GET1: variants seen among roughly 807,000 people sequenced by gnomAD.
GET1 encodes congenital heart disease 5 protein.
A neutral mutation model predicts 22.6 loss-of-function variants in GET1; 20 were observed. The ratio of observed to expected loss-of-function variants is 0.89; its 90% CI spans 0.62 to 1.29. The LOEUF (loss-of-function observed/expected upper bound fraction) is 1.29. Ranked by LOEUF, GET1 falls within the 50% of genes most tolerant of loss-of-function variation. The pLI is 0.00. For missense variants in GET1, 209 were observed against 219.9 expected, an observed-to-expected ratio of 0.95 and a Z score of 0.31; for synonymous variants, 92 against 83.8, an observed-to-expected ratio of 1.10 and a Z score of -0.53.
At position 39,393,215 on chromosome 21, in the gene GET1, C is replaced by G; in HGVS notation, c.386C>G (p.Ala129Gly). 1 of 1,614,206 alleles carries G rather than the reference C, an allele frequency of 6.2e-7. No individual in the cohort carries two copies. The highest frequency in any genetic ancestry group is 8.5e-7 in the Non-Finnish European group (1 of 1,180,038). ...LIWKYYSVPV[A>G]VVPSKWITPL... ...TGGAAGTATTATTCTGTCCCTGTGG[C>G]TGTCGTGCCGAGTAAATGGATAACC... is the stretch of plus-strand genomic sequence containing the variant. The change falls in exon 4 of 5, where the codon GCT becomes GGT. Residue 129 changes from alanine (A) to glycine (G), a missense_variant. By Grantham distance (60) the Ala-to-Gly change is moderately conservative (BLOSUM62 0). Coordinates refer to ENST00000649170, the MANE Select transcript of GET1 (RefSeq NM_004627.6).
At chr21:39,385,356 C>T (rs2037817122) in intron 1 of GET1, among the ~76,000 whole-genome samples, 1 of 152,136 alleles carries the variant, frequency 6.6e-6, no homozygotes, top group Non-Finnish European at 1.5e-5. Context: ...ATCAGAAGTC[C>T]TTGGGCCAGT....
chr21:39,408,782 G>T (rs931607960), downstream of GET1: 93 of 152,246 alleles, frequency 6.1e-4, no homozygotes, highest in African/African-American at 2.2e-3. Flanking sequence ...CCATGGATCT[G>T]AGGGTTTTTC....
intron 1 of GET1, chr21:39,387,831 A>G (rs1418896868): frequency 1.0e-6 from 1 of 984,984 alleles, no homozygotes; most frequent in Non-Finnish European, 1.2e-6. Context: ...AGTTGTCCCT[A>G]CTGTGCGGCA....
chr21:39,406,189 T>C (rs1183093425), exon 5 of GET1: 1 of 1,614,252 alleles, frequency 6.2e-7, no homozygotes, highest in African/African-American at 1.3e-5. Context: ...ACTGTCAGAA[T>C]GCTCTAGCTC....
downstream of GET1, chr21:39,410,072 C>A (rs117843079): frequency 1.9e-6 from 3 of 1,610,562 alleles, no homozygotes; most frequent in Non-Finnish European, 2.5e-6. Context: ...TCTTTATGAT[C>A]GATGTTTCCT....
At chr21:39,422,605 A>C in intron 1 of GET1, 1 of 325,798 alleles carries the variant, frequency 3.1e-6, no homozygotes, top group Non-Finnish European at 5.5e-6. Flanking sequence ...CAACAGTTTA[A>C]GGTAGAGGGT....
At chr21:39,421,301 T>A (rs1420150644) in intron 1 of GET1, among the ~76,000 whole-genome samples, 2 of 152,100 alleles carry the variant, frequency 1.3e-5, no homozygotes, top group African/African-American at 4.8e-5. Flanking sequence ...AGGGTTTTGC[T>A]GTGTTGGCCA....
intron 1 of GET1, chr21:39,386,554 T>C (rs1601605016): frequency 6.6e-6 from 1 of 152,146 alleles, no homozygotes; most frequent in South Asian, 2.1e-4. Context: ...CTGTTCAGGG[T>C]CTGGAGCTTC....
chr21:39,400,589 T>TATA (rs1057214571), downstream of GET1, among the ~76,000 whole-genome samples: 1 of 152,156 alleles, frequency 6.6e-6, no homozygotes, highest in Non-Finnish European at 1.5e-5. Context: ...GCTGCTCTCT[T>TATA]ATAAGGCCTG....
intron 1 of GET1, among the ~76,000 whole-genome samples, chr21:39,385,674 A>T (rs1170131369): frequency 6.6e-6 from 1 of 152,120 alleles, no homozygotes; most frequent in Non-Finnish European, 1.5e-5. Flanking sequence ...CTGAGGGTCC[A>T]TGCGAACGGC....
intron 1 of GET1, 164 bp downstream of exon 1, chr21:39,380,650 C>T: frequency 1.4e-6 from 2 of 1,426,530 alleles, no homozygotes; most frequent in South Asian, 3.0e-5. Context: ...CTAAAAGGTA[C>T]GACGCTTTAC....
intron 1 of GET1, among the ~76,000 whole-genome samples, chr21:39,426,625 A>G (rs2074756502): frequency 6.6e-6 from 1 of 152,256 alleles, no homozygotes; most frequent in Non-Finnish European, 1.5e-5. Context: ...ACTAAGTGAA[A>G]TAACTAAAGA....
chr21:39,427,122 C>T (rs769537400), intron 1 of GET1, among the ~76,000 whole-genome samples: 13 of 152,176 alleles, frequency 8.5e-5, no homozygotes, highest in Non-Finnish European at 1.6e-4. Context: ...GTGGACATGG[C>T]GGTGGCAGAT....
intron 1 of GET1, among the ~76,000 whole-genome samples, chr21:39,424,571 T>C (rs1047165593): frequency 6.6e-6 from 1 of 152,240 alleles, no homozygotes; most frequent in Non-Finnish European, 1.5e-5. Context: ...TTCTGTAGAT[T>C]ATCTGATGTA....
chr21:39,414,752 G>GTGTGTT (rs1387430668), intron 1 of GET1, among the ~76,000 whole-genome samples: 2 of 148,582 alleles, frequency 1.3e-5, no homozygotes, highest in African/African-American at 5.1e-5. Flanking sequence ...CTGTGTGTGT[G>GTGTGTT]TGTGTGTGTG....
chr21:39,389,753 C>T (rs2038171660), intron 1 of GET1, among the ~76,000 whole-genome samples: 1 of 152,148 alleles, frequency 6.6e-6, no homozygotes, highest in African/African-American at 2.4e-5. Context: ...TGGGAAGGCC[C>T]TCTGCACTGA....
exon 5 of GET1, chr21:39,406,382 T>G (rs761056311): frequency 1.9e-6 from 3 of 1,614,184 alleles, no homozygotes; most frequent in Non-Finnish European, 1.7e-6. Context: ...TTGCCAAGTG[T>G]GTCATCCACA....
chr21:39,422,168 C>T (rs1005525548), intron 1 of GET1: 1 of 152,262 alleles, frequency 6.6e-6, no homozygotes, highest in Admixed American at 6.5e-5. Flanking sequence ...GTGGAGGAAA[C>T]GAACCTGATA....
chr21:39,398,532 A>G (rs995764781), downstream of GET1, among the ~76,000 whole-genome samples: 1 of 152,118 alleles, frequency 6.6e-6, no homozygotes, highest in Non-Finnish European at 1.5e-5. Context: ...CCATGCGTGA[A>G]TAGTTTGTGA....
Sources: gnomAD v4.1 joint callset for allele counts (sites outside exome capture counted in the v4.1 genomes callset) on GRCh38, gnomAD v4.1.1 for gene constraint, MANE v1.5 for transcripts, NCBI Gene and HGNC (gene_info 2026-07-23, HGNC 2026-07-21) for gene names.